The following SCD variants were observed in gnomAD, a reference collection of about 807,000 sequenced individuals.
SCD encodes acyl-CoA desaturase.
A neutral mutation model predicts 35.7 loss-of-function variants in SCD; 4 were observed. That is an observed-to-expected ratio of 0.11 (90% confidence interval 0.06 to 0.26). SCD has a LOEUF of 0.26. Among genes scored for constraint, SCD ranks in the 10% least tolerant of loss-of-function variants. SCD has a pLI of 1.00. For missense variants in SCD, 282 were observed against 460.7 expected (o/e 0.61, Z 3.55); for synonymous variants, 150 against 170.2 (o/e 0.88, Z 0.92).
At chr10:100,357,606 A>C (rs553704262) in intron 5 of SCD, among the ~76,000 whole-genome samples, 108 of 151,998 alleles carry the variant, frequency 7.1e-4, no homozygotes, top group African/African-American at 2.6e-3. Context: ...CAATTCTCTA[A>C]TGTTGATCTT....
chr10:100,358,917 C>T (rs1849960540), intron 5 of SCD, among the ~76,000 whole-genome samples: 1 of 152,022 alleles, frequency 6.6e-6, no homozygotes, highest in Non-Finnish European at 1.5e-5. Flanking sequence ...GACAGAGACT[C>T]CATCTCAAAA....
chr10:100,364,045 G>A lies in SCD; in HGVS notation c.*3112G>A, dbSNP rs1259722837. ...TCTGGGCTTCATTCTGGAAACTTTT[G>A]TTAGGGCTGCTTTTCTTAAGTGCCC... On this transcript the variant is annotated 3_prime_UTR_variant, in exon 6 of 6. Transcript: ENST00000370355. The A allele has an allele frequency of 2.0e-5, 3 of 151,518 alleles. No homozygotes were observed. The highest frequency in any genetic ancestry group is 1.3e-4 in the Admixed American group (2 of 15,196). 9.4% of individuals were successfully genotyped at this position (151,518 alleles called of 1,614,324 possible).
In SCD at chr10:100,362,741, T is replaced by C. The variant is rs1475166437; in HGVS notation, c.*1808T>C. The C allele has an allele frequency of 6.6e-6, 1 of 152,352 alleles. No homozygotes were observed. The highest frequency in any genetic ancestry group is 2.4e-5 in the African/African-American group (1 of 41,446). The allele number at this position is 152,352 out of a possible 1,614,324, so 9.4% of individuals were successfully genotyped here. ...ACACCCCTGTGCTCCCCTGCCACAC[T>C]GATGGCTCAAGACAAGGCTGGCAAA... On this transcript the variant is annotated 3_prime_UTR_variant, in exon 6 of 6. Transcript: ENST00000370355.
rs909018143 is a variant in SCD at position 100,356,960 on chromosome 10, A to G, written c.880+196A>G. ...ACATGTTTTATGTAAAAATGAAAGG[A>G]TAAGAAACAAAACACAAAAAAACAC... On this transcript the variant is annotated intron_variant, in intron 5 of 5. Coordinates refer to ENST00000370355, the MANE Select transcript of SCD (RefSeq NM_005063.5). The surrounding 1 kb of genome is among the most constrained non-coding windows in gnomAD (Gnocchi z 4.1). Among the ~76,000 whole-genome samples the G allele has an allele frequency of 4.6e-5, 7 of 152,238 alleles. No individual in the cohort carries two copies. Among genetic ancestry groups the G allele is most frequent in the African/African-American group, 1.7e-4 (7 of 41,470 alleles).
At chr10:100,347,562 G>A (rs1316760806) in intron 1 of SCD, 31 bp downstream of exon 1, 4 of 1,612,762 alleles carry the variant, frequency 2.5e-6, no homozygotes, top group South Asian at 2.2e-5. Context: ...CCGTACCGCC[G>A]GGTCGCAGGC....
chr10:100,358,011 A>T (rs1326470957), intron 5 of SCD, among the ~76,000 whole-genome samples: 1 of 152,024 alleles, frequency 6.6e-6, no homozygotes, highest in Non-Finnish European at 1.5e-5. Flanking sequence ...TATCTTTTAA[A>T]TTGTTGTTGA....
intron 5 of SCD, among the ~76,000 whole-genome samples, chr10:100,357,908 A>ACTCC (rs1387665799): frequency 6.6e-6 from 1 of 151,720 alleles, no homozygotes; most frequent in Non-Finnish European, 1.5e-5. Flanking sequence ...CAACCACACT[A>ACTCC]CTCCACACAT....
chr10:100,349,463 T>C (rs767869358), intron 2 of SCD, among the ~76,000 whole-genome samples: 1 of 152,346 alleles, frequency 6.6e-6, no homozygotes, highest in East Asian at 1.9e-4. Context: ...AGGGTAGTTA[T>C]GCAGAAGGGC....
intron 5 of SCD, among the ~76,000 whole-genome samples, chr10:100,359,736 A>T (rs758667896): frequency 9.2e-5 from 14 of 152,160 alleles, no homozygotes; most frequent in Non-Finnish European, 2.1e-4. Context: ...TTATCTACAA[A>T]GAGCCAAATA....
At chr10:100,347,581 G>T in intron 1 of SCD, 50 bp downstream of exon 1, 1 of 1,609,580 alleles carries the variant, frequency 6.2e-7, no homozygotes, top group Non-Finnish European at 8.5e-7. Context: ...GCGCGGGCTG[G>T]GCTTCCAGGG....
rs576983826 is a variant in SCD at position 100,361,636 on chromosome 10, C to T, written c.*703C>T. 4 of 152,296 alleles carry T rather than the reference C, an allele frequency of 2.6e-5. No homozygotes were observed. In the East Asian group the frequency reaches 7.7e-4, roughly 29 times the overall value. The allele number at this position is 152,296 out of a possible 1,614,324, so 9.4% of individuals were successfully genotyped here. ...CCTGGCTCGGGGTAAAAAGTGGCTG[C>T]GGTGTTTGGCAATGCTAATTCAATG... On this transcript the variant is annotated 3_prime_UTR_variant, in exon 6 of 6. Transcript: ENST00000370355.
In SCD at chr10:100,347,364, G is replaced by C; in HGVS notation, c.-141G>C. The C allele has an allele frequency of 1.1e-6, 1 of 925,102 alleles. No individual in the cohort carries two copies. The highest frequency in any genetic ancestry group is 1.4e-5 in the South Asian group (1 of 71,752). 57.3% of individuals were successfully genotyped at this position (925,102 alleles called of 1,614,324 possible). On this transcript the variant is annotated 5_prime_UTR_variant, in exon 1 of 6. Transcript: ENST00000370355. The stretch of plus-strand genomic sequence containing the variant: ...CGGGGACCTCCACGCACCGCGGCTA[G>C]CGCCGACAACCAGCTAGCGTGCAAG...
Position 100,363,209 on chromosome 10 carries a change from T to A in SCD, c.*2276T>A, listed in dbSNP as rs1850007110. The A allele has an allele frequency of 6.6e-6, 1 of 152,166 alleles. No homozygotes were observed. The highest frequency in any genetic ancestry group is 2.1e-4 in the South Asian group (1 of 4,830). The allele number at this position is 152,166 out of a possible 1,614,324, so 9.4% of individuals were successfully genotyped here. A position where few individuals can be genotyped will look rare whatever the true frequency, so the allele number is the denominator to read the frequency against. ...CCCTACAGCCTAGGGCAGACAATAG[T>A]ATAGAAGTCTGGAAAAAAACAAAAA... is the stretch of plus-strand genomic sequence containing the variant. On this transcript the variant is annotated 3_prime_UTR_variant, in exon 6 of 6. Transcript: ENST00000370355.
At chr10:100,353,516 C>G (rs11190482) in intron 3 of SCD, among the ~76,000 whole-genome samples, 16,944 of 147,252 alleles carry the variant, frequency 0.12, 1,548 homozygotes, top group African/African-American at 0.26. Flanking sequence ...ACCTGGGAGG[C>G]AGAGCTTGCA....
chr10:100,357,711 G>A (rs1849942979), intron 5 of SCD, among the ~76,000 whole-genome samples: 1 of 151,646 alleles, frequency 6.6e-6, no homozygotes, highest in African/African-American at 2.4e-5. Flanking sequence ...GCCCAGGCTG[G>A]TCTTGAACCC....
chr10:100,357,286 T>C (rs1227636317), intron 5 of SCD, among the ~76,000 whole-genome samples: 3 of 152,228 alleles, frequency 2.0e-5, no homozygotes, highest in East Asian at 1.9e-4. Context: ...AATAGAACAA[T>C]GGGATCATCT....
rs1245540569 is a variant in SCD at position 100,352,561 on chromosome 10, A to T, written c.441+65A>T. 2 of 1,518,538 alleles carry T rather than the reference A, an allele frequency of 1.3e-6. No individual in the cohort carries two copies. Among genetic ancestry groups the T allele is most frequent in the East Asian group, 4.5e-5 (2 of 44,214 alleles). The allele number at this position is 1,518,538 out of a possible 1,614,324, so 94.1% of individuals were successfully genotyped here. ...TATTAATGATCCGGGGACAGAAAGG[A>T]GGGATCAGCACCAGAGAGGAGCCAC... On this transcript the variant is annotated intron_variant, in intron 3 of 5. Coordinates refer to ENST00000370355, the MANE Select transcript of SCD (RefSeq NM_005063.5). The surrounding 1 kb of genome is among the most constrained non-coding windows in gnomAD (Gnocchi z 4.2).
intron 5 of SCD, among the ~76,000 whole-genome samples, chr10:100,357,044 C>T (rs896720389): frequency 6.6e-6 from 1 of 152,124 alleles, no homozygotes; most frequent in South Asian, 2.1e-4. Flanking sequence ...CCGGGCCCGG[C>T]GGCTCATGCC....
intron 3 of SCD, 34 bp from the exon 4 acceptor site, chr10:100,354,393 T>C: frequency 6.3e-7 from 1 of 1,588,502 alleles, no homozygotes; most frequent in Non-Finnish European, 8.6e-7. Flanking sequence ...GTGTCTATCC[T>C]CAAGCCTTAC....
Sources: gnomAD v4.1 joint callset for allele counts (sites outside exome capture counted in the v4.1 genomes callset) on GRCh38, gnomAD v4.1.1 for gene constraint, Gnocchi (gnomAD v3.1) non-coding constraint, MANE v1.5 for transcripts, NCBI Gene and HGNC (gene_info 2026-07-23, HGNC 2026-07-21) for gene names.